GRM5: variants seen among roughly 807,000 people sequenced by gnomAD.
GRM5 encodes the protein metabotropic glutamate receptor 5.
In GRM5, 19 loss-of-function variants were observed where a neutral mutation model predicts 83.1. The observed-to-expected ratio is 0.23, with a 90% CI of 0.16 to 0.34. GRM5 has a LOEUF of 0.34. Among genes scored for constraint, GRM5 ranks in the 10% least tolerant of loss-of-function variants. The probability of loss-of-function intolerance (pLI) is 1.00; values close to 1 mark genes in which losing one functional copy is unlikely to be tolerated. For synonymous variants in GRM5, 675 were observed against 633.6 expected (o/e 1.07, Z -0.98); for missense variants, 1,160 against 1,588.3 (o/e 0.73, Z 4.58).
chr11:88,595,740 C>T (rs912409789), intron 6 of GRM5, among the ~76,000 whole-genome samples: 19 of 152,130 alleles, frequency 1.2e-4, no homozygotes, highest in African/African-American at 4.1e-4. Flanking sequence ...CATTGTTCCT[C>T]TTCTTTGACC....
intron 3 of GRM5, among the ~76,000 whole-genome samples, chr11:88,844,731 G>A (rs142166308): frequency 9.1e-4 from 138 of 152,288 alleles, no homozygotes; most frequent in African/African-American, 2.6e-3. Context: ...ATCAGCAACA[G>A]GAGTTTGGAA....
intron 2 of GRM5, among the ~76,000 whole-genome samples, chr11:89,002,656 A>T (rs1360601024): frequency 6.6e-6 from 1 of 152,174 alleles, no homozygotes; most frequent in African/African-American, 2.4e-5. Context: ...AGTGTTTAAT[A>T]ATCTATTGCA....
intron 7 of GRM5, among the ~76,000 whole-genome samples, chr11:88,574,846 C>T (rs1350222136): frequency 3.9e-5 from 6 of 152,068 alleles, no homozygotes; most frequent in African/African-American, 9.7e-5. Context: ...TTGAGTAATT[C>T]ATTGGATCTG....
At chr11:88,993,827 T>A (rs1940079268) in intron 2 of GRM5, among the ~76,000 whole-genome samples, 1 of 152,086 alleles carries the variant, frequency 6.6e-6, no homozygotes, top group Non-Finnish European at 1.5e-5. Context: ...GATGAAGTGA[T>A]CCTCTCACCT....
intron 3 of GRM5, among the ~76,000 whole-genome samples, chr11:88,766,926 T>G (rs1326794657): frequency 6.6e-6 from 1 of 151,924 alleles, no homozygotes; most frequent in East Asian, 1.9e-4. Context: ...GACATACATG[T>G]GACCAACTAG....
At chr11:88,804,444 C>T (rs541368949) in intron 3 of GRM5, among the ~76,000 whole-genome samples, 1 of 150,616 alleles carries the variant, frequency 6.6e-6, no homozygotes, top group Non-Finnish European at 1.5e-5. Flanking sequence ...GAACAAAAAA[C>T]CAAACACCGC....
At chr11:88,579,480 G>A (rs1305422665) in intron 7 of GRM5, among the ~76,000 whole-genome samples, 1 of 152,174 alleles carries the variant, frequency 6.6e-6, no homozygotes, top group Non-Finnish European at 1.5e-5. Flanking sequence ...AACTGGATAT[G>A]AGGGGGGTTA....
intron 2 of GRM5, chr11:88,984,997 T>A: frequency 2.0e-6 from 1 of 509,202 alleles, no homozygotes; most frequent in Non-Finnish European, 3.6e-6. Context: ...TGGTACTCAA[T>A]TTTACTCCAT....
At chr11:88,573,733 A>G (rs989659936) in intron 7 of GRM5, among the ~76,000 whole-genome samples, 1 of 152,226 alleles carries the variant, frequency 6.6e-6, no homozygotes, top group Admixed American at 6.5e-5. Flanking sequence ...CCAGAGCACA[A>G]GGTGTTGACT....
In GRM5 at chr11:88,688,615, C is replaced by G. The variant is rs978306275; in HGVS notation, c.912-35212G>C. 4.6e-5 allele frequency among the ~76,000 whole-genome samples: 7 copies of G among 152,212 alleles called. No homozygotes were observed. In the South Asian group the frequency reaches 6.2e-4, roughly 14 times the overall value. ...AGAGATCTGGCTAGAAATTTTTTTA[C>G]TAGTCCTGAGAATTTTGTTTAGTTA... is the stretch of plus-strand genomic sequence containing the variant. On this transcript the variant is annotated intron_variant, in intron 3 of 9. Transcript: ENST00000305447.
chr11:88,896,174 T>C (rs569548402), intron 2 of GRM5, among the ~76,000 whole-genome samples: 67 of 151,924 alleles, frequency 4.4e-4, no homozygotes, highest in African/African-American at 1.6e-3. Context: ...CTACATCTAG[T>C]AGAGGGTAGG....
At chr11:88,763,388 G>T (rs1337590249) in intron 3 of GRM5, among the ~76,000 whole-genome samples, 2 of 151,690 alleles carry the variant, frequency 1.3e-5, no homozygotes, top group Non-Finnish European at 3.0e-5. Flanking sequence ...TACTACCATT[G>T]TAACAATGGT....
At chr11:88,747,019 AAAGT>A (rs1239919581) in intron 3 of GRM5, among the ~76,000 whole-genome samples, 2 of 152,196 alleles carry the variant, frequency 1.3e-5, no homozygotes, top group Admixed American at 1.3e-4. Context: ...CAAGATTCAC[AAAGT>A]AAGTATACTG....
intron 2 of GRM5, among the ~76,000 whole-genome samples, chr11:88,891,589 G>T: frequency 1.1e-4 from 1 of 9,230 alleles, no homozygotes; most frequent in African/African-American, 2.7e-4. Flanking sequence ...AAATTGTATG[G>T]GATTTCTAAA....
intron 3 of GRM5, among the ~76,000 whole-genome samples, chr11:88,719,717 A>G (rs1192592642): frequency 6.6e-6 from 1 of 151,952 alleles, no homozygotes; most frequent in Non-Finnish European, 1.5e-5. Context: ...CCCAAACCTC[A>G]TCAACATCTA....
intron 3 of GRM5, among the ~76,000 whole-genome samples, chr11:88,674,332 T>C (rs993155446): frequency 6.6e-6 from 1 of 151,960 alleles, no homozygotes; most frequent in Non-Finnish European, 1.5e-5. Flanking sequence ...TTTGAAATTT[T>C]TCTATTGCAC....
chr11:88,724,198 T>G (rs561005007), intron 3 of GRM5, among the ~76,000 whole-genome samples: 1 of 152,306 alleles, frequency 6.6e-6, no homozygotes, highest in African/African-American at 2.4e-5. Context: ...ATGAGTGTTG[T>G]TACTAATCTG....
Position 89,030,450 on chromosome 11 carries a change from C to T in GRM5, c.661+16762G>A, listed in dbSNP as rs1328411597. ...CAATCATAAGGCCATGTGAGGTTGA[C>T]TTTCTCCGGGAGCACTTTGATAAAT... On this transcript the variant is annotated intron_variant, in intron 2 of 9. Coordinates refer to ENST00000305447, the MANE Select transcript of GRM5 (RefSeq NM_001143831.3). Among the ~76,000 whole-genome samples the T allele has an allele frequency of 2.0e-5, 3 of 152,204 alleles. No individual in the cohort carries two copies. The South Asian group carries it at 6.2e-4, about 32-fold the overall frequency.
At chr11:88,741,456 G>T (rs1201119748) in intron 3 of GRM5, among the ~76,000 whole-genome samples, 3 of 151,994 alleles carry the variant, frequency 2.0e-5, no homozygotes, top group Non-Finnish European at 4.4e-5. Flanking sequence ...GCTTCTGCCA[G>T]GAAAGTCTTT....
Sources: allele counts gnomAD v4.1 joint callset (sites outside exome capture counted in the v4.1 genomes callset), GRCh38; gene constraint gnomAD v4.1.1; transcripts MANE v1.5; gene names NCBI Gene and HGNC (gene_info 2026-07-23, HGNC 2026-07-21).